Variants in B3GALT1 observed in about 807,000 individuals in gnomAD.
B3GALT1 encodes beta-1,3-galactosyltransferase 1, also known as UDP-Gal:betaGlcNAc beta 1,3-galactosyltransferase, polypeptide 1.
A neutral mutation model predicts 23.2 loss-of-function variants in B3GALT1; 10 were observed. The ratio of observed to expected loss-of-function variants is 0.43; its 90% CI spans 0.27 to 0.73. The LOEUF (loss-of-function observed/expected upper bound fraction) is 0.73, where lower values mean the gene tolerates loss of function less well. B3GALT1 is among the 30% of genes least tolerant of loss of function. The probability of loss-of-function intolerance (pLI) is 0.21; values close to 1 mark genes in which losing one functional copy is unlikely to be tolerated. For missense variants in B3GALT1, 299 were observed against 405.4 expected (o/e 0.74, Z 2.25); for synonymous variants, 156 against 141.5 (o/e 1.10, Z -0.73).
At position 167,840,963 on chromosome 2, in the gene B3GALT1, G is replaced by A. The variant is rs1689634563; in HGVS notation, c.-230+22170G>A. Reference sequence around the variant, plus strand: ...CACCGCATATTCTCACTCATAGGTGGGAATTGAACAATGAGAACACATGGA... The same window carrying A: ...CACCGCATATTCTCACTCATAGGTGAGAATTGAACAATGAGAACACATGGA... On this transcript the variant is annotated intron_variant, in intron 4 of 4. Coordinates refer to ENST00000392690, the MANE Select transcript of B3GALT1 (RefSeq NM_020981.4). 4.1e-5 allele frequency among the ~76,000 whole-genome samples: 6 copies of A among 145,822 alleles called. No homozygotes were observed. The Admixed American group carries it at 4.2e-4, about 10-fold the overall frequency.
intron 1 of B3GALT1, among the ~76,000 whole-genome samples, chr2:167,338,142 T>C (rs1574038716): frequency 6.6e-6 from 1 of 152,250 alleles, no homozygotes; most frequent in Admixed American, 6.5e-5. Flanking sequence ...TTTAATAAGG[T>C]CAAAATGGTC....
At chr2:167,553,878 A>C (rs987086689) in intron 2 of B3GALT1, among the ~76,000 whole-genome samples, 7 of 152,200 alleles carry the variant, frequency 4.6e-5, no homozygotes, top group Non-Finnish European at 1.0e-4. Context: ...CCCAGTGATT[A>C]AAAAGAAGGT....
chr2:167,674,144 T>G (rs1319082710), intron 3 of B3GALT1, among the ~76,000 whole-genome samples: 1 of 152,172 alleles, frequency 6.6e-6, no homozygotes, highest in African/African-American at 2.4e-5. Flanking sequence ...ATATTGGTAT[T>G]AAAAGAGGAA....
chr2:167,704,042 G>A (rs1326128109), intron 3 of B3GALT1, among the ~76,000 whole-genome samples: 2 of 152,002 alleles, frequency 1.3e-5, no homozygotes, highest in Non-Finnish European at 2.9e-5. Flanking sequence ...TTAGCCGGGT[G>A]TGGTATCAGG....
intron 3 of B3GALT1, among the ~76,000 whole-genome samples, chr2:167,756,676 C>T (rs1383539911): frequency 2.6e-5 from 4 of 152,144 alleles, no homozygotes; most frequent in African/African-American, 9.7e-5. Flanking sequence ...CTCACATCAC[C>T]GCTTTCTGTT....
chr2:167,423,689 G>A (rs1484418364), intron 1 of B3GALT1, among the ~76,000 whole-genome samples: 3 of 152,104 alleles, frequency 2.0e-5, no homozygotes, highest in African/African-American at 7.2e-5. Context: ...GCAACCAAGA[G>A]CAGCACCCAG....
At chr2:167,363,698 C>T (rs955304559) in intron 1 of B3GALT1, among the ~76,000 whole-genome samples, 5 of 152,130 alleles carry the variant, frequency 3.3e-5, no homozygotes, top group African/African-American at 1.2e-4. Flanking sequence ...TCTTTATGGC[C>T]CATCACTTAC....
At chr2:167,380,311 G>A (rs1697829900) in intron 1 of B3GALT1, among the ~76,000 whole-genome samples, 1 of 152,170 alleles carries the variant, frequency 6.6e-6, no homozygotes, top group South Asian at 2.1e-4. Context: ...AGAACAGGGT[G>A]GGTCACCCAG....
intron 4 of B3GALT1, among the ~76,000 whole-genome samples, chr2:167,863,164 C>T (rs1411652485): frequency 6.0e-5 from 9 of 148,776 alleles, no homozygotes; most frequent in Non-Finnish European, 4.5e-5. Flanking sequence ...TTGTGGTATT[C>T]TCTCTTTTTT....
chr2:167,747,482 C>G (rs1310699873), intron 3 of B3GALT1, among the ~76,000 whole-genome samples: 1 of 152,162 alleles, frequency 6.6e-6, no homozygotes, highest in Non-Finnish European at 1.5e-5. Context: ...AGATTCAGAA[C>G]TAGATGAGGT....
intron 3 of B3GALT1, among the ~76,000 whole-genome samples, chr2:167,800,040 T>G (rs1688611447): frequency 6.6e-6 from 1 of 152,166 alleles, no homozygotes; most frequent in African/African-American, 2.4e-5. Context: ...TTTTATCTGT[T>G]TTGTACACTA....
At chr2:167,333,386 C>A (rs905987847) in intron 1 of B3GALT1, among the ~76,000 whole-genome samples, 2 of 152,134 alleles carry the variant, frequency 1.3e-5, no homozygotes, top group African/African-American at 4.8e-5. Flanking sequence ...GAGAATTGGT[C>A]AAAATTCTCT....
chr2:167,400,502 A>G (rs1698171135), intron 1 of B3GALT1, among the ~76,000 whole-genome samples: 1 of 151,932 alleles, frequency 6.6e-6, no homozygotes, highest in African/African-American at 2.4e-5. Flanking sequence ...TCTATTTCCT[A>G]TCTGCTTTGC....
At chr2:167,433,935 TAAAA>T in intron 1 of B3GALT1, among the ~76,000 whole-genome samples, 1 of 151,708 alleles carries the variant, frequency 6.6e-6, no homozygotes, top group East Asian at 1.9e-4. Flanking sequence ...CATAAATAAA[TAAAA>T]CAACCATGTA....
intron 3 of B3GALT1, among the ~76,000 whole-genome samples, chr2:167,707,383 A>C (rs1354834759): frequency 6.6e-6 from 1 of 152,188 alleles, no homozygotes; most frequent in Admixed American, 6.5e-5. Context: ...TTAAAACAAC[A>C]CAATTTTACT....
Position 167,870,712 on chromosome 2 carries a change from CTTTT to C in B3GALT1, c.*698_*701del, listed in dbSNP as rs574966725. On this transcript the variant is annotated 3_prime_UTR_variant, in exon 5 of 5. Transcript: ENST00000392690. ...AAAGTAAACAAAAGATTTTTTTTTT[CTTTT>C]TTTTTCTTTCTTTTTTGTTTTGCTC... The C allele has an allele frequency of 6.3e-6, 1 of 158,178 alleles. No homozygotes were observed. Among genetic ancestry groups the C allele is most frequent in the Admixed American group, 6.8e-5 (1 of 14,706 alleles). The allele number at this position is 158,178 out of a possible 1,614,324, so 9.8% of individuals were successfully genotyped here. A position where few individuals can be genotyped will look rare whatever the true frequency, so the allele number is the denominator to read the frequency against.
chr2:167,609,524 G>T (rs564116509), intron 2 of B3GALT1, among the ~76,000 whole-genome samples: 1 of 152,000 alleles, frequency 6.6e-6, no homozygotes, highest in Non-Finnish European at 1.5e-5. Flanking sequence ...TCCTCATCCT[G>T]AGGCTAGTTC....
chr2:167,585,170 A>G (rs1684566234), intron 2 of B3GALT1, among the ~76,000 whole-genome samples: 1 of 152,202 alleles, frequency 6.6e-6, no homozygotes, highest in South Asian at 2.1e-4. Context: ...GTATGCCAGG[A>G]AACAGGAGAA....
rs191657809 is a variant in B3GALT1 at position 167,538,577 on chromosome 2, A to G, written c.-410+48300A>G. ...TGTAGACTTTAAAACATTGGTGAGCAAATTCCCTTTGAATCACCCTGGGTG... is the reference window on the plus strand; with the variant it reads ...TGTAGACTTTAAAACATTGGTGAGCGAATTCCCTTTGAATCACCCTGGGTG... On this transcript the variant is annotated intron_variant, in intron 2 of 4. Coordinates refer to ENST00000392690, the MANE Select transcript of B3GALT1 (RefSeq NM_020981.4). 3.2e-3 allele frequency among the ~76,000 whole-genome samples: 484 copies of G among 152,278 alleles called. 2 individuals carry two copies. The highest frequency in any genetic ancestry group is 2.4e-3 in the Non-Finnish European group (160 of 68,026).
Sources: allele counts gnomAD v4.1 joint callset (sites outside exome capture counted in the v4.1 genomes callset), GRCh38; gene constraint gnomAD v4.1.1; transcripts MANE v1.5; gene names NCBI Gene and HGNC (gene_info 2026-07-23, HGNC 2026-07-21).